The following SHISAL2A variants were observed in gnomAD, a reference collection of about 807,000 sequenced individuals.
SHISAL2A encodes the protein shisa like 2A.
A neutral mutation model predicts 11.5 loss-of-function variants in SHISAL2A; 18 were observed. The ratio of observed to expected loss-of-function variants is 1.57; its 90% CI spans 1.08 to 2.33. The LOEUF (loss-of-function observed/expected upper bound fraction) is 2.33, where lower values mean the gene tolerates loss of function less well. SHISAL2A is among the 30% of genes most tolerant of loss of function. The pLI is 0.00. For synonymous variants in SHISAL2A, 94 were observed against 99.6 expected, an observed-to-expected ratio of 0.94 and a Z score of 0.34; for missense variants, 261 against 250.9, an observed-to-expected ratio of 1.04 and a Z score of -0.27.
At chr1:52,648,022 A>G (rs1691540870) in intron 2 of SHISAL2A, among the ~76,000 whole-genome samples, 1 of 148,584 alleles carries the variant, frequency 6.7e-6, no homozygotes, top group South Asian at 2.1e-4. Context: ...CACTTTACAG[A>G]GAATTTTGGC....
intron 1 of SHISAL2A, among the ~76,000 whole-genome samples, chr1:52,641,093 C>A (rs558362576): frequency 6.6e-6 from 1 of 152,186 alleles, no homozygotes; most frequent in African/African-American, 2.4e-5. Flanking sequence ...GGAAGCTCCA[C>A]GCCCCTCCCT....
chr1:52,651,235 T>C (rs1327574043), intron 2 of SHISAL2A, among the ~76,000 whole-genome samples: 1 of 151,174 alleles, frequency 6.6e-6, no homozygotes, highest in African/African-American at 2.4e-5. Flanking sequence ...TTGCAAAGGT[T>C]TTTTGTTTTT....
At chr1:52,639,094 G>A (rs1333867922) in intron 1 of SHISAL2A, among the ~76,000 whole-genome samples, 1 of 151,864 alleles carries the variant, frequency 6.6e-6, no homozygotes, top group African/African-American at 2.4e-5. Context: ...GATCACTTGA[G>A]CCCGGAAGGT....
chr1:52,656,749 G>A, intron 2 of SHISAL2A, 41 bp from the exon 3 acceptor site: 1 of 1,562,450 alleles, frequency 6.4e-7, no homozygotes, highest in Non-Finnish European at 8.7e-7. Context: ...ATCCTGTTGG[G>A]GAAGAAGAGA....
upstream of SHISAL2A, among the ~76,000 whole-genome samples, chr1:52,633,100 T>C (rs1234470158): frequency 1.3e-5 from 2 of 152,164 alleles, no homozygotes; most frequent in African/African-American, 4.8e-5. This position sits in a 1 kb window ranked among gnomAD's most constrained non-coding sequence, Gnocchi z 6.4. Context: ...CGTCGTGCTG[T>C]CGTTGCGCAC....
intron 4 of SHISAL2A, among the ~76,000 whole-genome samples, chr1:52,666,810 G>A (rs1692022417): frequency 6.6e-6 from 1 of 152,196 alleles, no homozygotes; most frequent in Non-Finnish European, 1.5e-5. Flanking sequence ...AAAGCTAGAT[G>A]AGAATCAAGG....
chr1:52,652,597 G>T (rs1170981323), intron 2 of SHISAL2A, among the ~76,000 whole-genome samples: 3 of 152,082 alleles, frequency 2.0e-5, no homozygotes, highest in African/African-American at 7.2e-5. Context: ...AAGTTGGAAT[G>T]CCTTAAAATG....
At chr1:52,653,747 C>CT (rs199999114) in intron 2 of SHISAL2A, among the ~76,000 whole-genome samples, 9 of 150,840 alleles carry the variant, frequency 6.0e-5, no homozygotes, top group African/African-American at 9.7e-5. Flanking sequence ...GCAACCCGCC[C>CT]TTTTTTTTTG....
At chr1:52,668,572 T>C (rs1692053985) in exon 6 of SHISAL2A, 1 of 152,302 alleles carries the variant, frequency 6.6e-6, no homozygotes, top group Non-Finnish European at 1.5e-5. Flanking sequence ...TTCCAGGGCA[T>C]GGACAGATCT....
At chr1:52,655,310 CAG>C (rs1382673799) in intron 2 of SHISAL2A, among the ~76,000 whole-genome samples, 1 of 151,788 alleles carries the variant, frequency 6.6e-6, no homozygotes, top group East Asian at 1.9e-4. Flanking sequence ...TAAAGACAAA[CAG>C]AGAACAATCT....
At chr1:52,652,965 CAAAAAAAAAAAAA>C (rs36154490) in intron 2 of SHISAL2A, among the ~76,000 whole-genome samples, 10 of 22,378 alleles carry the variant, frequency 4.5e-4, no homozygotes, top group South Asian at 3.1e-3. Flanking sequence ...GACTCTGTCT[CAAAAAAAAAAAAA>C]AAAAAAAAAA....
chr1:52,656,838 C>T lies in SHISAL2A; in HGVS notation c.371C>T (p.Ala124Val), dbSNP rs752273057. The T allele has an allele frequency of 3.7e-6, 6 of 1,613,772 alleles. No homozygotes were observed. Among genetic ancestry groups the T allele is most frequent in the East Asian group, 2.2e-5 (1 of 44,886 alleles). ...PDCQGVNTGM[A>V]AEVPKVSPLQ... ...TGCCAAGGTGTGAACACAGGCATGG[C>T]GGCAGAAGTGCCAAAAGTGAGCCCT... Residue 124 changes from alanine to valine, a missense_variant, in exon 3 of 3, where the codon GCG (alanine) becomes GTG (valine). Coordinates refer to ENST00000517870, the MANE Select transcript of SHISAL2A (RefSeq NM_001042693.3).
At chr1:52,642,728 A>T in intron 1 of SHISAL2A, 135 bp from the exon 2 acceptor site, 2 of 973,960 alleles carry the variant, frequency 2.1e-6, no homozygotes, top group Admixed American at 2.3e-5. Flanking sequence ...CTGGCCTAAA[A>T]TTTTTTTTAA....
Position 52,633,783 on chromosome 1 carries a change from C to G in SHISAL2A, c.182+108C>G. ...TCCACCTGAACATCAGCAGCAAGCT[C>G]TAGTCCTTACCGTCCTCATGCCCAC... On this transcript the variant is annotated intron_variant, in intron 1 of 2. Transcript: ENST00000517870. This position sits in a 1 kb window ranked among gnomAD's most constrained non-coding sequence, Gnocchi z 6.4. The G allele has an allele frequency of 1.1e-6, 1 of 878,966 alleles. No individual in the cohort carries two copies. Among genetic ancestry groups the G allele is most frequent in the Non-Finnish European group, 1.8e-6 (1 of 561,716 alleles). 54.4% of individuals were successfully genotyped at this position (878,966 alleles called of 1,614,324 possible).
chr1:52,667,845 C>A (rs2149898353), intron 5 of SHISAL2A, among the ~76,000 whole-genome samples: 1 of 152,262 alleles, frequency 6.6e-6, no homozygotes, highest in South Asian at 2.1e-4. Context: ...AAGTTGAGTT[C>A]TAGAGAGAAA....
chr1:52,643,831 C>T (rs1000069463), intron 2 of SHISAL2A, among the ~76,000 whole-genome samples: 5 of 136,982 alleles, frequency 3.7e-5, no homozygotes, highest in African/African-American at 8.1e-5. Flanking sequence ...CCAGCCTGGG[C>T]GACAGAGTGA....
In SHISAL2A at chr1:52,633,701, C is replaced by T; in HGVS notation, c.182+26C>T. ...GTACCGTCCCTGGCCCTCACCCTAC[C>T]TTGAACCCCACTCCAGTCTCAGCGC... On this transcript the variant is annotated intron_variant, in intron 1 of 2. Coordinates refer to ENST00000517870, the MANE Select transcript of SHISAL2A (RefSeq NM_001042693.3). The surrounding 1 kb of genome is among the most constrained non-coding windows in gnomAD (Gnocchi z 6.4). The T allele has an allele frequency of 6.3e-7, 1 of 1,579,716 alleles. No individual in the cohort carries two copies. The highest frequency in any genetic ancestry group is 1.8e-5 in the Admixed American group (1 of 56,036).
intron 4 of SHISAL2A, among the ~76,000 whole-genome samples, chr1:52,664,222 G>A (rs1310117170): frequency 6.8e-6 from 1 of 147,200 alleles, no homozygotes; most frequent in African/African-American, 2.5e-5. Context: ...ACATAATCTC[G>A]CTCTGTCGCC....
chr1:52,650,593 T>C (rs571558603), intron 2 of SHISAL2A, among the ~76,000 whole-genome samples: 2 of 152,160 alleles, frequency 1.3e-5, no homozygotes, highest in South Asian at 4.1e-4. Flanking sequence ...GGCGCTTCAA[T>C]TTTTACATGT....
Sources: gnomAD v4.1 joint callset for allele counts (sites outside exome capture counted in the v4.1 genomes callset) on GRCh38, gnomAD v4.1.1 for gene constraint, Gnocchi (gnomAD v3.1) non-coding constraint, MANE v1.5 for transcripts, NCBI Gene and HGNC (gene_info 2026-07-23, HGNC 2026-07-21) for gene names.